Variants in TMEM255B observed in about 807,000 individuals in gnomAD.
TMEM255B encodes family with sequence similarity 70, member B.
In TMEM255B, 35 loss-of-function variants were observed where a neutral mutation model predicts 34.5. That is an observed-to-expected ratio of 1.01 (90% CI 0.77 to 1.34). TMEM255B has a LOEUF of 1.34. Among genes scored for constraint, TMEM255B ranks in the 40% most tolerant of loss-of-function variants. The pLI, the probability that TMEM255B is intolerant of heterozygous loss-of-function variation, is 0.00. For missense variants in TMEM255B, 432 were observed against 433.2 expected (o/e 1.00, Z 0.02); for synonymous variants, 206 against 201.2 (o/e 1.02, Z -0.20).
chr13:113,807,221 C>T (rs1281687810), intron 8 of TMEM255B, among the ~76,000 whole-genome samples: 1 of 152,220 alleles, frequency 6.6e-6, no homozygotes, highest in Non-Finnish European at 1.5e-5. Flanking sequence ...CAGGTGTGTC[C>T]TCCCTGCCTG....
Position 113,804,454 on chromosome 13 carries a change from C to T in TMEM255B, c.670-431C>T, listed in dbSNP as rs192496066. Among the ~76,000 whole-genome samples the T allele has an allele frequency of 5.9e-5, 9 of 152,036 alleles. No individual in the cohort carries two copies. The East Asian group carries it at 7.7e-4, about 13-fold the overall frequency. The stretch of plus-strand genomic sequence containing the variant: ...GAAACCAGTGCTTTTTTCTCCCCCC[C>T]CAAAAAATCAAAAAAGTAAAAGAGA... On this transcript the variant is annotated intron_variant, in intron 7 of 8. Transcript: ENST00000375353.
Position 113,812,718 on chromosome 13 carries a change from A to G in TMEM255B, c.*815A>G, listed in dbSNP as rs1303633229. ...CGGGCCCAGCATGCACCTGCCGGGCACACCTGGGGAGACGGGTGAGCACGC... is the reference window on the plus strand; with the variant it reads ...CGGGCCCAGCATGCACCTGCCGGGCGCACCTGGGGAGACGGGTGAGCACGC... On this transcript the variant is annotated 3_prime_UTR_variant, in exon 9 of 9. Transcript: ENST00000375353. 1 of 152,730 alleles carries G rather than the reference A, an allele frequency of 6.5e-6. No individual in the cohort carries two copies. Among genetic ancestry groups the G allele is most frequent in the Non-Finnish European group, 1.5e-5 (1 of 68,356 alleles). The allele number at this position is 152,730 out of a possible 1,614,324, so 9.5% of individuals were successfully genotyped here. A position where few individuals can be genotyped will look rare whatever the true frequency, so the allele number is the denominator to read the frequency against.
Position 113,812,879 on chromosome 13 carries a change from A to AGTGAGTCACAGGCCCCGG in TMEM255B, c.*979_*980insAGTCACAGGCCCCGGGTG, listed in dbSNP as rs2051343488. The AGTGAGTCACAGGCCCCGG allele has an allele frequency of 1.4e-5, 1 of 69,290 alleles. No individual in the cohort carries two copies. The highest frequency in any genetic ancestry group is 7.6e-5 in the African/African-American group (1 of 13,148). 4.3% of individuals were successfully genotyped at this position (69,290 alleles called of 1,614,324 possible). The stretch of plus-strand genomic sequence containing the variant: ...CATCCCGGGTGGGTCACAGGTCCCG[A>AGTGAGTCACAGGCCCCGG]GTGGGTCACAGGCCCCGGGTGAGTC... On this transcript the variant is annotated 3_prime_UTR_variant, in exon 9 of 9. Transcript: ENST00000375353.
At chr13:113,763,941 G>A (rs2050347724) in intron 1 of TMEM255B, among the ~76,000 whole-genome samples, 1 of 152,262 alleles carries the variant, frequency 6.6e-6, no homozygotes, top group Admixed American at 6.5e-5. Context: ...GGGACTGAGA[G>A]GCGGAGCTGG....
chr13:113,797,598 C>T (rs2050965286), intron 4 of TMEM255B, among the ~76,000 whole-genome samples: 1 of 152,236 alleles, frequency 6.6e-6, no homozygotes, highest in Non-Finnish European at 1.5e-5. Flanking sequence ...AAGATAAACA[C>T]CCAGAGACAG....
At chr13:113,778,628 A>G (rs2050618399) in intron 3 of TMEM255B, among the ~76,000 whole-genome samples, 1 of 151,362 alleles carries the variant, frequency 6.6e-6, no homozygotes, top group African/African-American at 2.4e-5. Flanking sequence ...ACCTGCTGTA[A>G]TGATATGACG....
chr13:113,810,002 T>C (rs1219946457), intron 8 of TMEM255B, among the ~76,000 whole-genome samples: 1 of 152,170 alleles, frequency 6.6e-6, no homozygotes, highest in South Asian at 2.1e-4. Context: ...AACCTCAACA[T>C]TGCAGTCCCT....
In TMEM255B at chr13:113,800,317, G is replaced by A. The variant is rs865823039; in HGVS notation, c.424-510G>A. ...AGGCGTCCTCTGTGTGTGTGTGTGTGTGTGTGTGTGTGTGTGTGTGTGTGT... is the reference window on the plus strand; with the variant it reads ...AGGCGTCCTCTGTGTGTGTGTGTGTATGTGTGTGTGTGTGTGTGTGTGTGT... On this transcript the variant is annotated intron_variant, in intron 5 of 8. Transcript: ENST00000375353. 3.7e-4 allele frequency among the ~76,000 whole-genome samples: 56 copies of A among 149,666 alleles called. 1 individual carries two copies. In the South Asian group the frequency reaches 0.011, roughly 28 times the overall value.
At chr13:113,778,610 T>C (rs918411991) in intron 3 of TMEM255B, among the ~76,000 whole-genome samples, 5 of 140,698 alleles carry the variant, frequency 3.6e-5, no homozygotes, top group South Asian at 2.4e-4. Context: ...CGGGTGAGTC[T>C]CGATTTCACC....
At chr13:113,777,900 A>G (rs2050605687) in intron 3 of TMEM255B, among the ~76,000 whole-genome samples, 1 of 152,140 alleles carries the variant, frequency 6.6e-6, no homozygotes, top group African/African-American at 2.4e-5. Context: ...AGCCATTGCT[A>G]ACAATAACCA....
chr13:113,793,851 G>A lies in TMEM255B; in HGVS notation c.253-1297G>A, dbSNP rs374842663. Among the ~76,000 whole-genome samples the A allele has an allele frequency of 3.1e-3, 470 of 152,344 alleles. 4 individuals carry two copies. Among genetic ancestry groups the A allele is most frequent in the African/African-American group, 0.011 (445 of 41,588 alleles). On this transcript the variant is annotated intron_variant, in intron 3 of 8. Coordinates refer to ENST00000375353, the MANE Select transcript of TMEM255B (RefSeq NM_182614.4). ...GGAGGACCCCCAGCGGGCCTGTGGTGTGGAGGGTCAGAAGGAGAGGGAGGG... is the reference window on the plus strand; with the variant it reads ...GGAGGACCCCCAGCGGGCCTGTGGTATGGAGGGTCAGAAGGAGAGGGAGGG...
At chr13:113,777,344 C>T (rs1429816904) in intron 3 of TMEM255B, among the ~76,000 whole-genome samples, 1 of 152,184 alleles carries the variant, frequency 6.6e-6, no homozygotes, top group Non-Finnish European at 1.5e-5. Flanking sequence ...TGAACCCAGA[C>T]CCAGCCTCTT....
chr13:113,808,398 A>G lies in TMEM255B; in HGVS notation c.814-3338A>G, dbSNP rs537409265. On this transcript the variant is annotated intron_variant, in intron 8 of 8. Coordinates refer to ENST00000375353, the MANE Select transcript of TMEM255B (RefSeq NM_182614.4). ...ATGCCCTCCCTTCCCCTGTGAGATT[A>G]CTCGTGGGCAGGGCTTGTCCCTAGG... 1.2e-4 allele frequency among the ~76,000 whole-genome samples: 18 copies of G among 152,030 alleles called. No homozygotes were observed. The South Asian group carries it at 3.5e-3, about 30-fold the overall frequency.
chr13:113,790,070 T>C (rs2050803837), intron 3 of TMEM255B, among the ~76,000 whole-genome samples: 1 of 151,416 alleles, frequency 6.6e-6, no homozygotes, highest in Non-Finnish European at 1.5e-5. Context: ...ATCCTAGTGC[T>C]GGATTCACTG....
chr13:113,808,759 CTG>C (rs1322677235), intron 8 of TMEM255B, among the ~76,000 whole-genome samples: 4 of 97,214 alleles, frequency 4.1e-5, no homozygotes, highest in South Asian at 3.9e-4. Context: ...GGGTTTAACT[CTG>C]TGGTTTCTGG....
intron 3 of TMEM255B, among the ~76,000 whole-genome samples, chr13:113,784,981 A>C (rs2050719589): frequency 6.6e-6 from 1 of 151,854 alleles, no homozygotes; most frequent in African/African-American, 2.4e-5. Context: ...CTTCTGGTGA[A>C]TTTAGGTCAG....
rs1456674889 is a variant in TMEM255B, at chr13:113,759,280, C to T, written c.11C>T (p.Pro4Leu). Reference sequence around the variant, plus strand: ...GGGTGGGGCCTCGGGATGCAGCCGCCGGTGCCCGGGCCCCTGGGCCTGCTG... The same window carrying T: ...GGGTGGGGCCTCGGGATGCAGCCGCTGGTGCCCGGGCCCCTGGGCCTGCTG... MQPPVPGPLGLLDP... is the reference protein window; with the variant it reads MQPLVPGPLGLLDP... Residue 4 changes from proline to leucine, a missense_variant, in exon 1 of 9, where the codon CCG (proline) becomes CTG (leucine). Physicochemically the swap from Pro to Leu is moderately conservative, Grantham distance 98. Transcript: ENST00000375353. 4 of 1,228,906 alleles carry T rather than the reference C, an allele frequency of 3.3e-6. No homozygotes were observed. The highest frequency in any genetic ancestry group is 2.0e-6 in the Non-Finnish European group (2 of 986,138). The allele number at this position is 1,228,906 out of a possible 1,614,324, so 76.1% of individuals were successfully genotyped here.
intron 4 of TMEM255B, among the ~76,000 whole-genome samples, chr13:113,796,794 C>T (rs1248544244): frequency 1.3e-5 from 2 of 152,398 alleles, no homozygotes; most frequent in South Asian, 4.1e-4. Flanking sequence ...TTGTTTCTCC[C>T]TCTTTTTCCA....
intron 3 of TMEM255B, among the ~76,000 whole-genome samples, chr13:113,775,714 G>T (rs143912982): frequency 6.6e-6 from 1 of 152,362 alleles, no homozygotes; most frequent in African/African-American, 2.4e-5. Flanking sequence ...GGGCACAGGC[G>T]GCCACACTCG....
Sources: allele counts gnomAD v4.1 joint callset (sites outside exome capture counted in the v4.1 genomes callset), GRCh38; gene constraint gnomAD v4.1.1; transcripts MANE v1.5; gene names NCBI Gene and HGNC (gene_info 2026-07-23, HGNC 2026-07-21).